Variants in SACS observed in about 807,000 individuals in gnomAD.
SACS encodes the protein sacsin molecular chaperone.
A neutral mutation model predicts 348.0 loss-of-function variants in SACS; 197 were observed. The ratio of observed to expected loss-of-function variants is 0.57; its 90% confidence interval spans 0.50 to 0.64. The LOEUF (loss-of-function observed/expected upper bound fraction) is 0.64, where lower values mean the gene tolerates loss of function less well. Among genes scored for constraint, SACS ranks in the 30% least tolerant of loss-of-function variants. SACS has a pLI of 0.00. For synonymous variants in SACS, 1,985 were observed against 1,910.6 expected (o/e 1.04, Z -1.02); for missense variants, 4,999 against 5,360.8 (o/e 0.93, Z 2.11).
Position 23,330,090 on chromosome 13 carries a change from G to T in SACS, c.*46C>A, listed in dbSNP as rs777493968. The stretch of plus-strand genomic sequence containing the variant: ...CTTAATGAAGTACAGCAATTTATTC[G>T]TGCTACAACACATTCAAGATCTACC... On this transcript the variant is annotated 3_prime_UTR_variant, in exon 10 of 10. Coordinates refer to ENST00000382292, the MANE Select transcript of SACS (RefSeq NM_014363.6). 8 of 1,532,798 alleles carry T rather than the reference G, an allele frequency of 5.2e-6. No individual in the cohort carries two copies. The highest frequency in any genetic ancestry group is 6.3e-6 in the Non-Finnish European group (7 of 1,111,210). 94.9% of individuals were successfully genotyped at this position (1,532,798 alleles called of 1,614,324 possible).
At chr13:23,407,863 G>A (rs1026992813) in intron 2 of SACS, among the ~76,000 whole-genome samples, 10 of 152,060 alleles carry the variant, frequency 6.6e-5, no homozygotes, top group Admixed American at 1.3e-4. Flanking sequence ...ACATCCCATC[G>A]GATTCCTCAA....
chr13:23,347,901 T>C (rs1396050202), intron 9 of SACS, among the ~76,000 whole-genome samples: 1 of 152,118 alleles, frequency 6.6e-6, no homozygotes, highest in African/African-American at 2.4e-5. Flanking sequence ...CAATAGAACC[T>C]TCCATGTACC....
At chr13:23,431,351 C>T (rs1339497645) in intron 1 of SACS, among the ~76,000 whole-genome samples, 6 of 152,198 alleles carry the variant, frequency 3.9e-5, no homozygotes, top group Non-Finnish European at 7.3e-5. Flanking sequence ...TTCCCAACTT[C>T]GCTATGTTCC....
At chr13:23,396,090 G>A (rs536328036) in intron 2 of SACS, among the ~76,000 whole-genome samples, 5 of 152,184 alleles carry the variant, frequency 3.3e-5, no homozygotes, top group African/African-American at 4.8e-5. Flanking sequence ...TTGGGAGGCC[G>A]AGGTGGACAG....
intron 3 of SACS, among the ~76,000 whole-genome samples, chr13:23,373,670 C>T (rs908037167): frequency 6.6e-6 from 1 of 152,080 alleles, no homozygotes; most frequent in Non-Finnish European, 1.5e-5. Context: ...CGTGGTGGCA[C>T]ACGCCTGTAG....
chr13:23,372,747 G>C (rs929200573), intron 3 of SACS, among the ~76,000 whole-genome samples: 4 of 152,070 alleles, frequency 2.6e-5, no homozygotes, highest in Admixed American at 6.5e-5. Context: ...TGATGATTAC[G>C]TCTTTATTTT....
chr13:23,419,805 A>G (rs1184976534), intron 1 of SACS, among the ~76,000 whole-genome samples: 3 of 152,188 alleles, frequency 2.0e-5, no homozygotes, highest in Non-Finnish European at 2.9e-5. Flanking sequence ...TTTCAGTTTT[A>G]AAGAATATAT....
rs1868816418 is a variant in SACS at position 23,337,979 on chromosome 13, T to A, written c.5897A>T (p.Asp1966Val). The A allele has an allele frequency of 6.2e-7, 1 of 1,614,026 alleles. No homozygotes were observed. Among genetic ancestry groups the A allele is most frequent in the Non-Finnish European group, 8.5e-7 (1 of 1,179,946 alleles). ...TTCTTTCCCTTTTCCATGAGCTATA[T>A]CTTCATAAAATCCTTGGCAAATTAC... Reference protein sequence around the residue: ...FSVICQGFYEDIAHGKGKELT... With the variant: ...FSVICQGFYEVIAHGKGKELT... The change falls in exon 10 of 10, where the codon GAT becomes GTT. Residue 1966 changes from aspartate (D) to valine (V), a missense_variant. Asp to Val is a radical substitution (Grantham distance 152). Around this residue, in one of 6 missense-constraint regions of SACS, gnomAD observed 3,156 missense variants for 3,380.1 expected, o/e 0.93. Coordinates refer to ENST00000382292, the MANE Select transcript of SACS (RefSeq NM_014363.6).
At chr13:23,341,737 C>T (rs1222478417) in intron 9 of SACS, 47 bp from the exon 10 acceptor site, 1 of 1,254,058 alleles carries the variant, frequency 8.0e-7, no homozygotes, top group African/African-American at 1.5e-5. Flanking sequence ...AATTCTACTA[C>T]AACAGCTTTC....
At chr13:23,431,110 G>A (rs952031589) in intron 1 of SACS, among the ~76,000 whole-genome samples, 1 of 152,176 alleles carries the variant, frequency 6.6e-6, no homozygotes, top group South Asian at 2.1e-4. Context: ...GTTTCATAAG[G>A]CTATTGTAAG....
In SACS at chr13:23,339,302, A is replaced by T. The variant is rs1868973587; in HGVS notation, c.4574T>A (p.Phe1525Tyr). The change falls in exon 10 of 10, where the codon TTC (phenylalanine) becomes TAC (tyrosine). Residue 1525 changes from phenylalanine (F) to tyrosine (Y), a missense_variant. Phe to Tyr is a conservative substitution (Grantham distance 22, BLOSUM62 3). This residue lies in a region of SACS where 3,156 missense variants were observed against 3,380.1 expected (regional missense o/e 0.93). Coordinates refer to ENST00000382292, the MANE Select transcript of SACS (RefSeq NM_014363.6). Reference protein sequence around the residue: ...AACHGPALWSFNNSQFSDSDF... With the variant: ...AACHGPALWSYNNSQFSDSDF... The stretch of plus-strand genomic sequence containing the variant: ...TGAATCTGAGAATTGAGAATTGTTG[A>T]ATGACCACAAAGCAGGTCCATGACA... 6.2e-7 allele frequency: 1 copy of T among 1,609,276 alleles called. No homozygotes were observed. The highest frequency in any genetic ancestry group is 1.1e-5 in the South Asian group (1 of 90,046).
At position 23,329,747 on chromosome 13, in the gene SACS, A is replaced by G. The variant is rs1331734224; in HGVS notation, c.*389T>C. On this transcript the variant is annotated 3_prime_UTR_variant, in exon 10 of 10. Coordinates refer to ENST00000382292, the MANE Select transcript of SACS (RefSeq NM_014363.6). ...AATTCCCCTTATGTTTAAACCAATT[A>G]TATGTCCAGTGTTTCATTAGCTCCT... 13 of 493,280 alleles carry G rather than the reference A, an allele frequency of 2.6e-5. No homozygotes were observed. Among genetic ancestry groups the G allele is most frequent in the Non-Finnish European group, 3.9e-5 (11 of 282,082 alleles). 30.6% of individuals were successfully genotyped at this position (493,280 alleles called of 1,614,324 possible). A position where few individuals can be genotyped will look rare whatever the true frequency, so the allele number is the denominator to read the frequency against.
chr13:23,381,129 A>T (rs1422341066), intron 2 of SACS, among the ~76,000 whole-genome samples: 1 of 152,192 alleles, frequency 6.6e-6, no homozygotes, highest in Non-Finnish European at 1.5e-5. Context: ...TTGCAAATGC[A>T]AGTGTCAGGA....
intron 2 of SACS, among the ~76,000 whole-genome samples, chr13:23,404,867 T>A (rs1399704759): frequency 6.6e-6 from 1 of 152,174 alleles, no homozygotes; most frequent in East Asian, 1.9e-4. Flanking sequence ...GTGAAGGACC[T>A]TTTCAAGGAG....
At chr13:23,382,823 C>G (rs1349840617) in intron 2 of SACS, among the ~76,000 whole-genome samples, 2 of 147,842 alleles carry the variant, frequency 1.4e-5, no homozygotes, top group Admixed American at 1.4e-4. Context: ...AGCTCTGCTG[C>G]CAGGCTGGAG....
intron 3 of SACS, among the ~76,000 whole-genome samples, chr13:23,372,795 G>T (rs566702437): frequency 6.6e-6 from 1 of 152,150 alleles, no homozygotes; most frequent in African/African-American, 2.4e-5. Context: ...TCCTTGGCAA[G>T]ACCTTCCAAC....
At position 23,375,233 on chromosome 13, in the gene SACS, G is replaced by C. The variant is rs1394349795; in HGVS notation, c.57C>G (p.Gly19=). The C allele has an allele frequency of 6.7e-7, 1 of 1,487,506 alleles. No homozygotes were observed. The highest frequency in any genetic ancestry group is 2.3e-5 in the Admixed American group (1 of 42,958). The allele number at this position is 1,487,506 out of a possible 1,614,324, so 92.1% of individuals were successfully genotyped here. ...VPVTVLPGCV[G]CRTVAALASW... ...ACGCCAGCGCCGCGACGGTCCTGCAGCCCACGCAGCCGGGGAGCACGGTCA... is the reference window on the plus strand; with the variant it reads ...ACGCCAGCGCCGCGACGGTCCTGCACCCCACGCAGCCGGGGAGCACGGTCA... The change falls in exon 3 of 10, where the codon GGC becomes GGG. Residue 19 remains glycine (G), a synonymous_variant. Coordinates refer to ENST00000382292, the MANE Select transcript of SACS (RefSeq NM_014363.6).
At position 23,330,702 on chromosome 13, in the gene SACS, A is replaced by T; in HGVS notation, c.13174T>A (p.Tyr4392Asn). 1 of 1,614,054 alleles carries T rather than the reference A, an allele frequency of 6.2e-7. No individual in the cohort carries two copies. Among genetic ancestry groups the T allele is most frequent in the Non-Finnish European group, 8.5e-7 (1 of 1,179,962 alleles). The change falls in exon 10 of 10, where the codon TAC becomes AAC. Residue 4392 changes from tyrosine (Y) to asparagine (N), a missense_variant. Tyr to Asn is a moderately radical substitution (Grantham distance 143). Around this residue, in one of 6 missense-constraint regions of SACS, gnomAD observed 254 missense variants for 275.1 expected, o/e 0.92. Coordinates refer to ENST00000382292, the MANE Select transcript of SACS (RefSeq NM_014363.6). ...GAAGTATAGAATCTCTGAAATGAGT[A>T]TTTGTCTGACTGAAATCGGGATGCT... ...TSASRFQSDK[Y>N]SFQRFYTSWN...
intron 4 of SACS, among the ~76,000 whole-genome samples, chr13:23,369,355 G>A (rs1871246836): frequency 1.3e-5 from 2 of 152,088 alleles, no homozygotes; most frequent in South Asian, 2.1e-4. Context: ...CAGGGCTGTA[G>A]GAAGAACAAG....
Sources: gnomAD v4.1 joint callset for allele counts (sites outside exome capture counted in the v4.1 genomes callset) on GRCh38, gnomAD v4.1.1 for gene constraint, gnomAD v4.1.1 regional missense constraint, MANE v1.5 for transcripts, NCBI Gene and HGNC (gene_info 2026-07-23, HGNC 2026-07-21) for gene names.